The following RAB27A variants were observed in gnomAD, a reference collection of about 807,000 sequenced individuals.
The protein encoded by RAB27A is ras-related protein Rab-27A.
A neutral mutation model predicts 20.8 loss-of-function variants in RAB27A; 17 were observed. The observed-to-expected ratio is 0.82, with a 90% CI of 0.56 to 1.23. The LOEUF (loss-of-function observed/expected upper bound fraction) is 1.23, where lower values mean the gene tolerates loss of function less well. Among genes scored for constraint, RAB27A ranks in the 50% most tolerant of loss-of-function variants. RAB27A has a pLI of 0.00. For synonymous variants in RAB27A, 85 were observed against 92.8 expected, an observed-to-expected ratio of 0.92 and a Z score of 0.48; for missense variants, 277 against 266.7, an observed-to-expected ratio of 1.04 and a Z score of -0.27.
intron 2 of RAB27A, among the ~76,000 whole-genome samples, chr15:55,310,053 C>G (rs1841311731): frequency 6.6e-6 from 1 of 152,072 alleles, no homozygotes; most frequent in Non-Finnish European, 1.5e-5. Context: ...GGTGTTCCTT[C>G]TCCTATGTTC....
At chr15:55,247,385 A>C (rs1156988231) in intron 2 of RAB27A, among the ~76,000 whole-genome samples, 1 of 152,154 alleles carries the variant, frequency 6.6e-6, no homozygotes, top group Admixed American at 6.6e-5. Flanking sequence ...CTCAAAAGAA[A>C]AAAAAAAAAT....
chr15:55,310,990 T>C (rs144845879), intron 2 of RAB27A, among the ~76,000 whole-genome samples: 2 of 152,320 alleles, frequency 1.3e-5, no homozygotes, highest in Non-Finnish European at 2.9e-5. Flanking sequence ...GTCCTTCTAA[T>C]ACGCAGGTTA....
chr15:55,280,750 A>G (rs1897995260), intron 1 of RAB27A, among the ~76,000 whole-genome samples: 1 of 151,484 alleles, frequency 6.6e-6, no homozygotes, highest in South Asian at 2.1e-4. Context: ...GAGTCAGAAC[A>G]TGTGGTGTTT....
At chr15:55,294,989 C>A (rs1178721266) in intron 2 of RAB27A, among the ~76,000 whole-genome samples, 1 of 151,972 alleles carries the variant, frequency 6.6e-6, no homozygotes, top group African/African-American at 2.4e-5. Context: ...AACTACTCAA[C>A]AACAAAAAGA....
chr15:55,209,982 A>G (rs1315418432), intron 6 of RAB27A, among the ~76,000 whole-genome samples: 3 of 137,796 alleles, frequency 2.2e-5, no homozygotes, highest in Admixed American at 6.9e-5. Context: ...GTGTACATGT[A>G]CATATATACG....
At chr15:55,317,084 T>C (rs543142551) in intron 1 of RAB27A, 2 of 152,328 alleles carry the variant, frequency 1.3e-5, no homozygotes, top group African/African-American at 4.8e-5. Flanking sequence ...GTAGAAAATA[T>C]TCCTAAAATA....
Position 55,205,310 on chromosome 15 carries a change from G to A in RAB27A, c.*197C>T. On this transcript the variant is annotated 3_prime_UTR_variant, in exon 7 of 7. Transcript: ENST00000336787. ...TCTGAAATATTTCTCCTAACTCTCA[G>A]GCTGAATCTTAAAGAAATATTTACA... The A allele has an allele frequency of 1.6e-6, 1 of 642,634 alleles. No homozygotes were observed. The highest frequency in any genetic ancestry group is 2.7e-6 in the Non-Finnish European group (1 of 367,444). The allele number at this position is 642,634 out of a possible 1,614,324, so 39.8% of individuals were successfully genotyped here. A position where few individuals can be genotyped will look rare whatever the true frequency, so the allele number is the denominator to read the frequency against.
At chr15:55,312,947 CT>C (rs1462323524) in intron 2 of RAB27A, among the ~76,000 whole-genome samples, 2 of 152,186 alleles carry the variant, frequency 1.3e-5, no homozygotes, top group African/African-American at 4.8e-5. Flanking sequence ...CTCCATCTCT[CT>C]CTCTCTCCTA....
Position 55,296,509 on chromosome 15 carries a change from C to CA in RAB27A, c.-112+17529dup, listed in dbSNP as rs576683723. On this transcript the variant is annotated intron_variant, in intron 2 of 5. Coordinates refer to the RAB27A transcript ENST00000563262. ...ATAGAGCAAGACTCCATCTCAAAAA[C>CA]AAAAAAACAAAGAAAAACAAAACTT... Among the ~76,000 whole-genome samples, 124 of 151,316 alleles carry CA rather than the reference C, an allele frequency of 8.2e-4. No homozygotes were observed. In the East Asian group the frequency reaches 0.02, roughly 24 times the overall value.
chr15:55,300,123 C>G (rs759879427), intron 2 of RAB27A, among the ~76,000 whole-genome samples: 16 of 152,082 alleles, frequency 1.1e-4, no homozygotes, highest in African/African-American at 3.6e-4. Context: ...CCTGGCCAAT[C>G]CTAATTTCTT....
At chr15:55,302,677 C>G (rs1490239913) in intron 2 of RAB27A, among the ~76,000 whole-genome samples, 6 of 116,446 alleles carry the variant, frequency 5.2e-5, no homozygotes, top group Middle Eastern at 3.8e-3. Context: ...AGGAGCGTCT[C>G]TGCCCGGCCG....
At chr15:55,247,646 C>T (rs958518095) in intron 2 of RAB27A, among the ~76,000 whole-genome samples, 1 of 152,096 alleles carries the variant, frequency 6.6e-6, no homozygotes, top group East Asian at 1.9e-4. Context: ...AAACCCTTTG[C>T]TTTCTGAAGG....
intron 2 of RAB27A, among the ~76,000 whole-genome samples, chr15:55,257,229 G>A (rs952548572): frequency 1.4e-4 from 21 of 152,254 alleles, no homozygotes; most frequent in African/African-American, 5.1e-4. Flanking sequence ...TTGGATCGGG[G>A]CAGGTTCAGC....
At chr15:55,313,315 A>T (rs1261277885) in intron 2 of RAB27A, among the ~76,000 whole-genome samples, 1 of 152,158 alleles carries the variant, frequency 6.6e-6, no homozygotes, top group Non-Finnish European at 1.5e-5. Flanking sequence ...AGACGAGCGG[A>T]ATCACGTGAG....
intron 6 of RAB27A, among the ~76,000 whole-genome samples, chr15:55,223,024 T>G (rs1285025836): frequency 6.6e-6 from 1 of 151,932 alleles, no homozygotes; most frequent in Admixed American, 6.6e-5. Flanking sequence ...ATGATCCTAT[T>G]CCCAGAACTC....
intron 1 of RAB27A, among the ~76,000 whole-genome samples, chr15:55,282,837 C>A (rs1196835606): frequency 6.6e-6 from 1 of 152,158 alleles, no homozygotes; most frequent in African/African-American, 2.4e-5. Flanking sequence ...CCACGAGAAC[C>A]CCATTTCGCA....
At chr15:55,304,064 G>A (rs192368115) in intron 2 of RAB27A, among the ~76,000 whole-genome samples, 7,052 of 152,134 alleles carry the variant, frequency 0.046, 554 homozygotes, top group African/African-American at 0.16. Flanking sequence ...GATGGTTGCC[G>A]TGTCTGTGTA....
rs534041428 is a variant in RAB27A, at chr15:55,305,452, C to T, written c.-112+8587G>A. Among the ~76,000 whole-genome samples, 7 of 152,182 alleles carry T rather than the reference C, an allele frequency of 4.6e-5. No homozygotes were observed. In the South Asian group the frequency reaches 8.3e-4, roughly 18 times the overall value. On this transcript the variant is annotated intron_variant, in intron 2 of 5. Coordinates refer to the RAB27A transcript ENST00000563262. Reference sequence around the variant, plus strand: ...AGAACCATTTGTAGCTTTACAGCTTCGATTCTGGAAGAGACAAACTTAACA... The same window carrying T: ...AGAACCATTTGTAGCTTTACAGCTTTGATTCTGGAAGAGACAAACTTAACA...
At position 55,205,631 on chromosome 15, in the gene RAB27A, ATCAGG is replaced by A; in HGVS notation, c.537_541del (p.Leu180AsnfsTer15). 3.1e-6 allele frequency: 5 copies of A among 1,614,132 alleles called. No homozygotes were observed. The highest frequency in any genetic ancestry group is 4.2e-6 in the Non-Finnish European group (5 of 1,180,010). ...CACACACCGTTCCATTCGCTTCATT[ATCAGG>A]TCCAGAAGCATCTCAATTGCTTGGC... is the stretch of plus-strand genomic sequence containing the variant. On this transcript the variant is annotated frameshift_variant, in exon 7 of 7. Coordinates refer to ENST00000336787, the MANE Select transcript of RAB27A (RefSeq NM_183235.3). LOFTEE classifies it high-confidence loss of function.
Sources: allele counts gnomAD v4.1 joint callset (sites outside exome capture counted in the v4.1 genomes callset), GRCh38; gene constraint gnomAD v4.1.1; transcripts MANE v1.5; gene names NCBI Gene and HGNC (gene_info 2026-07-23, HGNC 2026-07-21).